Variants in STK39 observed in about 807,000 individuals in gnomAD.
STK39 encodes the protein serine/threonine kinase 39, also known as STE20/SPS1-related proline-alanine-rich protein kinase.
Under a neutral mutation model 77.8 loss-of-function variants are expected in STK39, and 20 were observed. That is an observed-to-expected ratio of 0.26 (90% CI 0.18 to 0.37). The LOEUF is 0.37. Among genes scored for constraint, STK39 ranks in the 10% least tolerant of loss-of-function variants. The pLI, the probability that STK39 is intolerant of heterozygous loss-of-function variation, is 1.00. For synonymous variants in STK39, 246 were observed against 234.1 expected (o/e 1.05, Z -0.47); for missense variants, 479 against 656.5 (o/e 0.73, Z 2.95).
chr2:167,963,247 G>C (rs867486438), intron 17 of STK39, among the ~76,000 whole-genome samples: 3 of 152,184 alleles, frequency 2.0e-5, no homozygotes, highest in Middle Eastern at 3.4e-3. Context: ...TAGGAGATGA[G>C]GGAGAGTTTT....
intron 13 of STK39, 129 bp downstream of exon 13, chr2:168,065,189 TA>T: frequency 1.1e-6 from 1 of 916,388 alleles, no homozygotes; most frequent in East Asian, 2.5e-5. Flanking sequence ...GCAACCTATT[TA>T]AAAAGACAGC....
intron 10 of STK39, among the ~76,000 whole-genome samples, chr2:168,126,035 T>A (rs1687531934): frequency 1.3e-5 from 2 of 152,172 alleles, no homozygotes; most frequent in Non-Finnish European, 2.9e-5. Flanking sequence ...AAATTATCTC[T>A]TAATGTTGGT....
intron 14 of STK39, among the ~76,000 whole-genome samples, chr2:168,035,462 C>T (rs1387472765): frequency 6.6e-6 from 1 of 152,086 alleles, no homozygotes; most frequent in Non-Finnish European, 1.5e-5. Context: ...AAAATATATA[C>T]AAACTGTACC....
At chr2:167,961,470 A>C (rs1206333759) in intron 17 of STK39, among the ~76,000 whole-genome samples, 1 of 152,228 alleles carries the variant, frequency 6.6e-6, no homozygotes, top group Non-Finnish European at 1.5e-5. Context: ...AATTTCAAAA[A>C]TTCCACATTG....
intron 1 of STK39, among the ~76,000 whole-genome samples, chr2:168,183,182 C>T (rs1410663195): frequency 1.3e-5 from 2 of 152,064 alleles, no homozygotes; most frequent in East Asian, 3.9e-4. Context: ...GAAGCTCTGC[C>T]CTTTCTTCCG....
chr2:167,960,913 C>A (rs1430547804), intron 17 of STK39, among the ~76,000 whole-genome samples: 1 of 152,128 alleles, frequency 6.6e-6, no homozygotes, highest in Non-Finnish European at 1.5e-5. Flanking sequence ...AAAACGGATG[C>A]CTGTGTCCCA....
chr2:168,235,642 C>A (rs2105269688), intron 1 of STK39, among the ~76,000 whole-genome samples: 1 of 121,932 alleles, frequency 8.2e-6, no homozygotes, highest in African/African-American at 3.1e-5. Context: ...GTGTGATGTT[C>A]CCCTTCCTGT....
At chr2:167,991,120 C>T (rs1411353938) in intron 16 of STK39, among the ~76,000 whole-genome samples, 1 of 152,218 alleles carries the variant, frequency 6.6e-6, no homozygotes, top group Admixed American at 6.5e-5. Flanking sequence ...TCAAAGCTTG[C>T]TAGTCTGCAA....
intron 10 of STK39, among the ~76,000 whole-genome samples, chr2:168,122,887 A>G (rs1411821102): frequency 6.6e-6 from 1 of 152,250 alleles, no homozygotes; most frequent in Non-Finnish European, 1.5e-5. Flanking sequence ...TATTCACTTT[A>G]TCTTTTAATG....
chr2:168,234,135 T>C (rs1486963609), intron 1 of STK39, among the ~76,000 whole-genome samples: 1 of 152,212 alleles, frequency 6.6e-6, no homozygotes, highest in African/African-American at 2.4e-5. Context: ...TACCTTTGCA[T>C]GTTATTAAAA....
chr2:168,089,987 GT>G (rs1414081263), intron 10 of STK39, among the ~76,000 whole-genome samples: 1 of 152,208 alleles, frequency 6.6e-6, no homozygotes, highest in African/African-American at 2.4e-5. Flanking sequence ...CTGCCATTAA[GT>G]TTTTGAATGC....
At chr2:168,128,174 G>A (rs1451045576) in intron 10 of STK39, among the ~76,000 whole-genome samples, 1 of 152,128 alleles carries the variant, frequency 6.6e-6, no homozygotes, top group Non-Finnish European at 1.5e-5. Flanking sequence ...AGCAAAAGAA[G>A]TGTGGGCCCA....
Position 167,991,189 on chromosome 2 carries a change from A to G in STK39, c.1498+21445T>C, listed in dbSNP as rs374155154. On this transcript the variant is annotated intron_variant, in intron 16 of 17. Coordinates refer to ENST00000355999, the MANE Select transcript of STK39 (RefSeq NM_013233.3). ...AACCAAGTCACTATTGAAAGCACACATGTGCTTTCTTTCAACTTACACCCT... is the reference window on the plus strand; with the variant it reads ...AACCAAGTCACTATTGAAAGCACACGTGTGCTTTCTTTCAACTTACACCCT... 2.6e-5 allele frequency among the ~76,000 whole-genome samples: 4 copies of G among 152,214 alleles called. 1 individual carries two copies. The highest frequency in any genetic ancestry group is 6.5e-5 in the Admixed American group (1 of 15,286).
intron 10 of STK39, among the ~76,000 whole-genome samples, chr2:168,091,822 T>C (rs1468703929): frequency 6.6e-6 from 1 of 152,230 alleles, no homozygotes; most frequent in African/African-American, 2.4e-5. Context: ...TGCTTCAGTA[T>C]TTTTAAACTA....
At chr2:168,016,895 T>A in intron 15 of STK39, 148 bp downstream of exon 15, 1 of 599,446 alleles carries the variant, frequency 1.7e-6, no homozygotes, top group Middle Eastern at 4.3e-4. Flanking sequence ...CTTAGAAGTA[T>A]CAAAAGTCCT....
chr2:168,065,223 C>A, intron 13 of STK39, 96 bp downstream of exon 13: 1 of 1,301,334 alleles, frequency 7.7e-7, no homozygotes, highest in Non-Finnish European at 1.1e-6. Flanking sequence ...GATTTGGAGG[C>A]ACTACCTTGA....
intron 1 of STK39, among the ~76,000 whole-genome samples, chr2:168,241,086 CGA>C (rs1166855352): frequency 7.0e-6 from 1 of 143,530 alleles, no homozygotes; most frequent in East Asian, 1.9e-4. Flanking sequence ...AAGGAAGAAA[CGA>C]GATAACCGAG....
At chr2:168,007,891 A>T (rs1345338345) in intron 16 of STK39, among the ~76,000 whole-genome samples, 1 of 152,204 alleles carries the variant, frequency 6.6e-6, no homozygotes, top group Non-Finnish European at 1.5e-5. Flanking sequence ...AAAAAATCGA[A>T]CTAAAAGTCA....
intron 17 of STK39, among the ~76,000 whole-genome samples, chr2:167,959,440 T>G (rs529074346): frequency 4.4e-4 from 66 of 151,710 alleles, no homozygotes; most frequent in African/African-American, 1.6e-3. Flanking sequence ...CTTTTTGTTT[T>G]TTTTTTTTTT....
Sources: allele counts gnomAD v4.1 joint callset (sites outside exome capture counted in the v4.1 genomes callset), GRCh38; gene constraint gnomAD v4.1.1; transcripts MANE v1.5; gene names NCBI Gene and HGNC (gene_info 2026-07-23, HGNC 2026-07-21).